The following THTPA variants were observed in gnomAD, a reference collection of about 807,000 sequenced individuals.
THTPA encodes thiamine-triphosphatase.
THTPA carries 16 observed loss-of-function variants against 16.5 expected under a neutral mutation model. The observed-to-expected ratio is 0.97, with a 90% CI of 0.66 to 1.47. The LOEUF is 1.47. THTPA is among the 40% of genes most tolerant of loss of function. The pLI, the probability that THTPA is intolerant of heterozygous loss-of-function variation, is 0.00. For synonymous variants in THTPA, 110 were observed against 115.5 expected, an observed-to-expected ratio of 0.95 and a Z score of 0.30; for missense variants, 281 against 280.9, an observed-to-expected ratio of 1.00 and a Z score of 0.00.
chr14:23,516,918 G>T, the THTPA span, among the ~76,000 whole-genome samples: 1 of 152,348 alleles, frequency 6.6e-6, no homozygotes, highest in East Asian at 1.9e-4. Context: ...ATTACTGGTT[G>T]TGGTGTCTTA....
chr14:23,545,788 C>T, the THTPA span, among the ~76,000 whole-genome samples: 3 of 152,140 alleles, frequency 2.0e-5, no homozygotes, highest in Non-Finnish European at 2.9e-5. Flanking sequence ...AAAATCTAGA[C>T]CCATGCCCAT....
the THTPA span, chr14:23,531,311 G>T: frequency 9.7e-7 from 1 of 1,026,084 alleles, no homozygotes; most frequent in Non-Finnish European, 1.3e-6. Flanking sequence ...CCTCCACAGT[G>T]CCTGACACGC....
At chr14:23,534,651 C>T in the THTPA span, 3 of 1,536,198 alleles carry the variant, frequency 2.0e-6, 1 homozygote, top group South Asian at 2.4e-5. The surrounding 1 kb of genome is among the most constrained non-coding windows in gnomAD (Gnocchi z 4.5). Flanking sequence ...CGCTGTTCCC[C>T]ATGGGGCCAT....
chr14:23,541,312 G>C, the THTPA span, among the ~76,000 whole-genome samples: 4 of 148,500 alleles, frequency 2.7e-5, no homozygotes, highest in African/African-American at 9.9e-5. Context: ...TTTTGAGACG[G>C]AGTTTCGCTC....
the THTPA span, among the ~76,000 whole-genome samples, chr14:23,549,852 A>T: frequency 1.3e-5 from 2 of 152,146 alleles, no homozygotes; most frequent in Non-Finnish European, 2.9e-5. Context: ...GCTTGCTGGT[A>T]CTTTCTGCTG....
chr14:23,551,652 GCCT>G (rs891960070), upstream of THTPA: 108 of 154,014 alleles, frequency 7.0e-4, 1 homozygote, highest in Middle Eastern at 6.4e-3. The surrounding 1 kb of genome is among the most constrained non-coding windows in gnomAD (Gnocchi z 5.3). Flanking sequence ...CTCGCTCCCT[GCCT>G]CCTCCTCCTC....
At chr14:23,522,857 C>T in the THTPA span, 105 of 1,524,514 alleles carry the variant, frequency 6.9e-5, no homozygotes, top group South Asian at 8.5e-5. Flanking sequence ...AGGTAAGGGG[C>T]GGCCTGGGCC....
At chr14:23,522,015 G>A in the THTPA span, 2 of 1,536,418 alleles carry the variant, frequency 1.3e-6, no homozygotes, top group Non-Finnish European at 1.7e-6. Context: ...GAGTCCGTGT[G>A]AGGTAATCTT....
chr14:23,559,863 G>C lies in THTPA; in HGVS notation c.*1023G>C, dbSNP rs758510222. 1.4e-5 allele frequency: 22 copies of C among 1,613,856 alleles called. 2 individuals are homozygous for C. The South Asian group carries it at 2.0e-4, about 14-fold the overall frequency. ...GCCGCAGGGGGGCCTAGGAATAGGAGAGCAGGGACCAGGGTTAGCACCCAC... is the reference window on the plus strand; with the variant it reads ...GCCGCAGGGGGGCCTAGGAATAGGACAGCAGGGACCAGGGTTAGCACCCAC... On this transcript the variant is annotated 3_prime_UTR_variant, in exon 2 of 2. Transcript: ENST00000288014.
chr14:23,554,966 G>GC (rs1366873127), upstream of THTPA, among the ~76,000 whole-genome samples: 1 of 152,062 alleles, frequency 6.6e-6, no homozygotes, highest in Non-Finnish European at 1.5e-5. Flanking sequence ...CATTCAAAGG[G>GC]CCAACCCCCA....
At chr14:23,512,970 G>A in the THTPA span, 1 of 151,902 alleles carries the variant, frequency 6.6e-6, no homozygotes, top group African/African-American at 2.4e-5. Context: ...TGTGGATGAA[G>A]GAGAGAGAGA....
In THTPA at chr14:23,560,125, T is replaced by G; in HGVS notation, c.*1285T>G. The G allele has an allele frequency of 7.0e-7, 1 of 1,429,416 alleles. No individual in the cohort carries two copies. The highest frequency in any genetic ancestry group is 9.7e-7 in the Non-Finnish European group (1 of 1,035,244). 88.5% of individuals were successfully genotyped at this position (1,429,416 alleles called of 1,614,324 possible). ...ACTCAGTGGCTCCACACCCTTTTCCTGTAACTCCCCAAGTGCTGATCTCCA... is the reference window on the plus strand; with the variant it reads ...ACTCAGTGGCTCCACACCCTTTTCCGGTAACTCCCCAAGTGCTGATCTCCA... On this transcript the variant is annotated 3_prime_UTR_variant, in exon 2 of 2. Coordinates refer to ENST00000288014, the MANE Select transcript of THTPA (RefSeq NM_024328.6).
chr14:23,512,778 TA>T, the THTPA span: 1 of 150,656 alleles, frequency 6.6e-6, no homozygotes, highest in African/African-American at 2.5e-5. Context: ...ATATATATTT[TA>T]AATTGCACCC....
At chr14:23,550,814 C>A in the THTPA span, among the ~76,000 whole-genome samples, 1 of 152,186 alleles carries the variant, frequency 6.6e-6, no homozygotes, top group Non-Finnish European at 1.5e-5. Flanking sequence ...CTGAGAGTAT[C>A]CACGTCCCCT....
chr14:23,534,789 T>C, the THTPA span: 2 of 1,536,126 alleles, frequency 1.3e-6, no homozygotes, highest in Non-Finnish European at 1.7e-6. The surrounding 1 kb of genome is among the most constrained non-coding windows in gnomAD (Gnocchi z 4.5). Flanking sequence ...AGCTAAAGCC[T>C]TGGATTGGGT....
the THTPA span, chr14:23,531,929 C>A: frequency 3.8e-6 from 2 of 527,672 alleles, no homozygotes; most frequent in Non-Finnish European, 5.7e-6. Context: ...GGCATGCGCA[C>A]CACACCTGGC....
chr14:23,517,264 C>T, the THTPA span, among the ~76,000 whole-genome samples: 1 of 152,184 alleles, frequency 6.6e-6, no homozygotes, highest in African/African-American at 2.4e-5. Context: ...CATATAGTTT[C>T]TCTCAAGAGG....
chr14:23,557,997 G>A (rs1387393636), intron 1 of THTPA, among the ~76,000 whole-genome samples: 1 of 152,124 alleles, frequency 6.6e-6, no homozygotes, highest in Admixed American at 6.5e-5. Flanking sequence ...GAGACAGTGG[G>A]GCATGATTTG....
the THTPA span, chr14:23,525,043 A>G: frequency 6.5e-7 from 1 of 1,536,058 alleles, no homozygotes; most frequent in Non-Finnish European, 8.7e-7. The surrounding 1 kb of genome is among the most constrained non-coding windows in gnomAD (Gnocchi z 5.9). Context: ...GGCTAGCCAG[A>G]CCCAACAGAC....
Sources: allele counts gnomAD v4.1 joint callset (sites outside exome capture counted in the v4.1 genomes callset), GRCh38; gene constraint gnomAD v4.1.1; non-coding constraint Gnocchi (gnomAD v3.1); transcripts MANE v1.5; gene names NCBI Gene and HGNC (gene_info 2026-07-23, HGNC 2026-07-21).